Variants in PAXBP1 observed in about 807,000 individuals in gnomAD.
PAXBP1 encodes PAX3 and PAX7 binding protein 1, also known as PAX3- and PAX7-binding protein 1.
PAXBP1 carries 44 observed loss-of-function variants against 119.9 expected under a neutral mutation model. The observed-to-expected ratio is 0.37, with a 90% CI of 0.29 to 0.47. PAXBP1 has a LOEUF of 0.47. Among genes scored for constraint, PAXBP1 ranks in the 20% least tolerant of loss-of-function variants. PAXBP1 has a pLI of 0.99. For missense variants in PAXBP1, 898 were observed against 1,134.1 expected, an observed-to-expected ratio of 0.79 and a Z score of 2.99; for synonymous variants, 393 against 406.6, an observed-to-expected ratio of 0.97 and a Z score of 0.40.
chr21:32,759,411 CT>C (rs1569164198), intron 6 of PAXBP1, 142 bp from the exon 7 acceptor site: 2 of 897,898 alleles, frequency 2.2e-6, no homozygotes, highest in Non-Finnish European at 3.2e-6. Context: ...CTCTGTACTG[CT>C]TTTTTTCTCA....
At chr21:32,764,297 C>T (rs2044201547) in intron 3 of PAXBP1, 51 bp downstream of exon 3, 2 of 1,539,140 alleles carry the variant, frequency 1.3e-6, no homozygotes, top group East Asian at 2.3e-5. Context: ...TTAAAGATGG[C>T]CCATTCTTGA....
intron 16 of PAXBP1, 64 bp downstream of exon 16, chr21:32,738,109 C>A: frequency 6.9e-7 from 1 of 1,439,094 alleles, no homozygotes; most frequent in Non-Finnish European, 9.2e-7. Context: ...CCTCTTCAAA[C>A]AAACAAAAAC....
rs1315048214 is a variant in PAXBP1 at position 32,764,420 on chromosome 21, T to C, written c.577A>G (p.Lys193Glu). The C allele has an allele frequency of 6.2e-7, 1 of 1,613,944 alleles. No homozygotes were observed. Among genetic ancestry groups the C allele is most frequent in the Non-Finnish European group, 8.5e-7 (1 of 1,179,908 alleles). The change falls in exon 3 of 18, where the codon AAA becomes GAA. Residue 193 changes from lysine (K) to glutamate (E), a missense_variant. Physicochemically the swap from Lys to Glu is moderately conservative, Grantham distance 56. This residue lies in a region of PAXBP1 where 299 missense variants were observed against 281.4 expected (regional missense o/e 1.06). Coordinates refer to ENST00000331923, the MANE Select transcript of PAXBP1 (RefSeq NM_016631.4). The part of the protein sequence containing the change: ...GEDEMDMESE[K>E]EEEKPKTGGA... ...CCAGTCTTTGGCTTTTCTTCCTCTTTTTCACTTTCCATATCCATTTCATCT... is the reference window on the plus strand; with the variant it reads ...CCAGTCTTTGGCTTTTCTTCCTCTTCTTCACTTTCCATATCCATTTCATCT...
In PAXBP1 at chr21:32,748,656, A is replaced by G. The variant is rs2043911658; in HGVS notation, c.1766T>C (p.Leu589Pro). The change falls in exon 11 of 18, where the codon CTT (leucine) becomes CCT (proline). Residue 589 changes from leucine (L) to proline (P), a missense_variant. Around this residue, in one of 2 missense-constraint regions of PAXBP1, gnomAD observed 599 missense variants for 852.7 expected, o/e 0.70. Coordinates refer to ENST00000331923, the MANE Select transcript of PAXBP1 (RefSeq NM_016631.4). Reference protein sequence around the residue: ...KESGKVFEDVLESFYSIDCIK... With the variant: ...KESGKVFEDVPESFYSIDCIK... ...ACAGTCAATTGAATAGAAACTTTCA[A>G]GGACATCTTCAAAAACTTTGCCGGA... 6.2e-7 allele frequency: 1 copy of G among 1,612,986 alleles called. No individual in the cohort carries two copies. Among genetic ancestry groups the G allele is most frequent in the African/African-American group, 1.3e-5 (1 of 74,906 alleles).
chr21:32,734,820 A>C lies in PAXBP1; in HGVS notation c.*130T>G. 1.4e-6 allele frequency: 1 copy of C among 699,520 alleles called. No homozygotes were observed. Among genetic ancestry groups the C allele is most frequent in the Middle Eastern group, 3.8e-4 (1 of 2,608 alleles). 43.3% of individuals were successfully genotyped at this position (699,520 alleles called of 1,614,324 possible). A position where few individuals can be genotyped will look rare whatever the true frequency, so the allele number is the denominator to read the frequency against. On this transcript the variant is annotated 3_prime_UTR_variant, in exon 18 of 18. Transcript: ENST00000331923. ...CTGAAGAAATATCATTTAAGGACAC[A>C]GTATTGAATATAATGTTTTTTGTAT...
chr21:32,771,677 C>A lies in PAXBP1; in HGVS notation c.-9G>T. On this transcript the variant is annotated 5_prime_UTR_variant, in exon 1 of 18. Transcript: ENST00000331923. ...CGGGCCTTTCGGAACATCCCCGCGG[C>A]CCGCACGGCGGTCGAATACTCGCTT... 1 of 1,398,822 alleles carries A rather than the reference C, an allele frequency of 7.1e-7. No individual in the cohort carries two copies. Among genetic ancestry groups the A allele is most frequent in the Non-Finnish European group, 9.2e-7 (1 of 1,081,740 alleles). The allele number at this position is 1,398,822 out of a possible 1,614,324, so 86.7% of individuals were successfully genotyped here.
intron 15 of PAXBP1, among the ~76,000 whole-genome samples, chr21:32,739,878 G>A (rs1263633004): frequency 7.0e-6 from 1 of 141,922 alleles, no homozygotes; most frequent in Non-Finnish European, 1.5e-5. Flanking sequence ...GCCAAGGAAG[G>A]AGGACCACTT....
At chr21:32,771,258 G>C (rs985016110) in intron 1 of PAXBP1, 68 bp downstream of exon 1, 4 of 1,407,614 alleles carry the variant, frequency 2.8e-6, no homozygotes, top group East Asian at 2.8e-5. Context: ...CAGAGAATAC[G>C]GGGGCGGGGG....
At chr21:32,756,402 T>C (rs368338200) in intron 7 of PAXBP1, 48 of 500,600 alleles carry the variant, frequency 9.6e-5, no homozygotes, top group Non-Finnish European at 1.4e-4. Context: ...GCAGGTGGAA[T>C]ACAGAGATGT....
rs762332172 is a variant in PAXBP1, at chr21:32,751,179, C to T, written c.1547G>A (p.Arg516His). The change falls in exon 9 of 18, where the codon CGC (arginine) becomes CAC (histidine). Residue 516 changes from arginine to histidine, a missense_variant. By Grantham distance (29) the Arg-to-His change is conservative (BLOSUM62 0). Around this residue, in one of 2 missense-constraint regions of PAXBP1, gnomAD observed 599 missense variants for 852.7 expected, o/e 0.70. Transcript: ENST00000331923. ...LMAPNLDSFG[R>H]DRALYQEHAK... ...ATGCTCTTGATACAGTGCCCGATCG[C>T]GTCCAAAGGAGTCAAGATTTGGTGC... The T allele has an allele frequency of 2.9e-5, 46 of 1,613,936 alleles. No homozygotes were observed. The highest frequency in any genetic ancestry group is 5.5e-5 in the South Asian group (5 of 91,084).
intron 3 of PAXBP1, among the ~76,000 whole-genome samples, chr21:32,763,763 A>G (rs1349491506): frequency 1.3e-5 from 2 of 152,170 alleles, no homozygotes; most frequent in Non-Finnish European, 2.9e-5. Context: ...AGGCAGGCGG[A>G]TCACCTGAGT....
intron 7 of PAXBP1, among the ~76,000 whole-genome samples, chr21:32,757,533 C>A (rs1038694569): frequency 2.6e-5 from 4 of 152,106 alleles, no homozygotes; most frequent in Admixed American, 2.6e-4. Flanking sequence ...ACAAGGTAAT[C>A]GAGATGAAAT....
At chr21:32,767,216 C>T (rs1413766974) in intron 2 of PAXBP1, among the ~76,000 whole-genome samples, 1 of 152,114 alleles carries the variant, frequency 6.6e-6, no homozygotes, top group Non-Finnish European at 1.5e-5. Context: ...AAGTCAATAC[C>T]GTGGTTATTT....
chr21:32,744,873 C>T lies in PAXBP1; in HGVS notation c.2109G>A (p.Gln703=). ...GTGTAATTCCCACCATTCTTGAAGT[C>T]TGTGTTGTAGAAAAAGGGTCCCACA... ...ENMWDPFSTT[Q]TSRMVGITLK... Residue 703 remains glutamine (Q), a synonymous_variant, in exon 13 of 18, where the codon CAG becomes CAA. Coordinates refer to ENST00000331923, the MANE Select transcript of PAXBP1 (RefSeq NM_016631.4). The T allele has an allele frequency of 6.2e-7, 1 of 1,605,858 alleles. No homozygotes were observed. Among genetic ancestry groups the T allele is most frequent in the Non-Finnish European group, 8.5e-7 (1 of 1,176,848 alleles).
chr21:32,739,520 C>G (rs935058850), intron 15 of PAXBP1, among the ~76,000 whole-genome samples: 1 of 152,162 alleles, frequency 6.6e-6, no homozygotes, highest in South Asian at 2.1e-4. Flanking sequence ...ACAATAAATA[C>G]CAGTTCCCAT....
intron 1 of PAXBP1, 110 bp downstream of exon 1, chr21:32,771,216 G>C: frequency 9.6e-7 from 1 of 1,041,032 alleles, no homozygotes; most frequent in Non-Finnish European, 1.3e-6. Context: ...GACGGCAGGG[G>C]ACTCCGTTCC....
At chr21:32,750,447 A>C (rs1256934470) in intron 10 of PAXBP1, among the ~76,000 whole-genome samples, 1 of 152,256 alleles carries the variant, frequency 6.6e-6, no homozygotes, top group Non-Finnish European at 1.5e-5. Context: ...AATTATAGCC[A>C]ATGGTGGGAA....
At chr21:32,761,230 T>C in intron 4 of PAXBP1, 68 bp from the exon 5 acceptor site, 4 of 1,205,068 alleles carry the variant, frequency 3.3e-6, no homozygotes, top group East Asian at 2.3e-5. Context: ...GATGCTGTCC[T>C]GACATTTCAC....
intron 4 of PAXBP1, 95 bp downstream of exon 4, chr21:32,762,001 C>T (rs892074079): frequency 9.8e-5 from 125 of 1,277,694 alleles, no homozygotes; most frequent in Non-Finnish European, 1.3e-4. Flanking sequence ...GATTGTACCA[C>T]TGCACTCTGG....
Sources: allele counts gnomAD v4.1 joint callset (sites outside exome capture counted in the v4.1 genomes callset), GRCh38; gene constraint gnomAD v4.1.1; regional missense constraint gnomAD v4.1.1; transcripts MANE v1.5; gene names NCBI Gene and HGNC (gene_info 2026-07-23, HGNC 2026-07-21).